Variants in ADGRL2 observed in about 807,000 individuals in gnomAD.
The protein encoded by ADGRL2 is calcium-independent alpha-latrotoxin receptor 2.
Under a neutral mutation model 157.4 loss-of-function variants are expected in ADGRL2, and 44 were observed. The ratio of observed to expected loss-of-function variants is 0.28; its 90% CI spans 0.22 to 0.36. The LOEUF is 0.36. ADGRL2 is among the 10% of genes least tolerant of loss of function. The pLI is 1.00. For missense variants in ADGRL2, 1,510 were observed against 1,768.9 expected, an observed-to-expected ratio of 0.85 and a Z score of 2.63; for synonymous variants, 585 against 624.7, an observed-to-expected ratio of 0.94 and a Z score of 0.95.
intron 2 of ADGRL2, among the ~76,000 whole-genome samples, chr1:81,903,846 C>CACACACACACACACAT (rs556699551): frequency 5.1e-4 from 74 of 145,712 alleles, no homozygotes; most frequent in Admixed American, 1.4e-3. Context: ...CACACACACA[C>CACACACACACACACAT]ATATTTGGTT....
At position 81,322,178 on chromosome 1, in the gene ADGRL2, A is replaced by G. The variant is rs143538826; in HGVS notation, c.-302+15669A>G. Among the ~76,000 whole-genome samples, 1,399 of 149,642 alleles carry G rather than the reference A, an allele frequency of 9.3e-3. 11 individuals are homozygous for G. Among genetic ancestry groups the G allele is most frequent in the Non-Finnish European group, 0.015 (1,037 of 67,590 alleles). On this transcript the variant is annotated intron_variant, in intron 1 of 24. Coordinates refer to the ADGRL2 transcript ENST00000370721. The stretch of plus-strand genomic sequence containing the variant: ...TACATACACACATATGTACATGTAT[A>G]TACATATACATATACATATATATAT...
chr1:81,505,256 G>T, intron 2 of ADGRL2: 1 of 533,976 alleles, frequency 1.9e-6, no homozygotes, highest in Non-Finnish European at 3.6e-6. Context: ...ACCTCCTCTG[G>T]CCTCAGCCTG....
chr1:81,868,912 T>C (rs189080134), intron 2 of ADGRL2, among the ~76,000 whole-genome samples: 35 of 152,218 alleles, frequency 2.3e-4, no homozygotes, highest in East Asian at 2.1e-3. Flanking sequence ...CAAAGATGCA[T>C]TGGAATGTGT....
intron 17 of ADGRL2, among the ~76,000 whole-genome samples, chr1:81,975,820 C>T (rs1660058266): frequency 6.6e-6 from 1 of 151,912 alleles, no homozygotes; most frequent in Non-Finnish European, 1.5e-5. Context: ...TTATTTGCCC[C>T]TCTGCCTCTT....
intron 1 of ADGRL2, among the ~76,000 whole-genome samples, chr1:81,761,086 A>G (rs1416980276): frequency 6.6e-6 from 1 of 151,922 alleles, no homozygotes; most frequent in Non-Finnish European, 1.5e-5. Flanking sequence ...AACAACAAAA[A>G]CAACAAAAAC....
intron 1 of ADGRL2, among the ~76,000 whole-genome samples, chr1:81,391,936 C>A (rs185354785): frequency 6.6e-6 from 1 of 152,228 alleles, no homozygotes; most frequent in Admixed American, 6.5e-5. Context: ...CTACTATGTG[C>A]TTTATGTGTA....
rs12037760 is a variant in ADGRL2 at position 81,474,772 on chromosome 1, T to A, written c.-248+29683T>A. 0.012 allele frequency among the ~76,000 whole-genome samples: 1,849 copies of A among 152,322 alleles called. 66 individuals are homozygous for A. The East Asian group carries it at 0.12, about 10-fold the overall frequency. ...ATTGAACATTTTTCAGTCAGTAAGA[T>A]CCTTATGAAATTTCTTCCATCATTC... On this transcript the variant is annotated intron_variant, in intron 2 of 24. Transcript: ENST00000370721.
chr1:81,546,097 C>T (rs530540605), intron 2 of ADGRL2, among the ~76,000 whole-genome samples: 7 of 152,110 alleles, frequency 4.6e-5, no homozygotes, highest in Admixed American at 2.6e-4. Flanking sequence ...ATTTATATCC[C>T]GTCCACCACT....
At chr1:81,746,166 G>A (rs764251489) in intron 1 of ADGRL2, among the ~76,000 whole-genome samples, 13 of 151,800 alleles carry the variant, frequency 8.6e-5, no homozygotes, top group Admixed American at 3.3e-4. Flanking sequence ...ATTAGACATC[G>A]TGCCTTTGAA....
At chr1:81,696,212 C>T (rs1450620162), upstream of ADGRL2, among the ~76,000 whole-genome samples, 1 of 151,898 alleles carries the variant, frequency 6.6e-6, no homozygotes, top group Admixed American at 6.6e-5. Flanking sequence ...TTTTCCCTCT[C>T]GGCTATGTAG....
chr1:81,482,602 G>A (rs148571240), intron 2 of ADGRL2, among the ~76,000 whole-genome samples: 12 of 152,112 alleles, frequency 7.9e-5, no homozygotes, highest in African/African-American at 2.2e-4. Context: ...TTTAACCTGC[G>A]TTTCCATCGC....
chr1:81,931,653 C>G (rs1343017545), intron 3 of ADGRL2, among the ~76,000 whole-genome samples: 2 of 151,656 alleles, frequency 1.3e-5, no homozygotes, highest in African/African-American at 4.8e-5. Flanking sequence ...TGAATTATAC[C>G]CTGGAAATGG....
chr1:81,463,284 C>T (rs931496418), intron 2 of ADGRL2, among the ~76,000 whole-genome samples: 7 of 151,858 alleles, frequency 4.6e-5, no homozygotes, highest in Non-Finnish European at 1.0e-4. Flanking sequence ...TGTGGTCTTT[C>T]TGAGACTCAA....
chr1:81,748,488 A>AG (rs1427083555), intron 1 of ADGRL2, among the ~76,000 whole-genome samples: 4 of 150,600 alleles, frequency 2.7e-5, no homozygotes, highest in Admixed American at 6.6e-5. Flanking sequence ...AAAAAAAAAA[A>AG]AAAGAAAGAA....
At chr1:81,838,389 T>A (rs1300702274) in intron 2 of ADGRL2, among the ~76,000 whole-genome samples, 3 of 152,086 alleles carry the variant, frequency 2.0e-5, no homozygotes, top group African/African-American at 7.2e-5. Flanking sequence ...AATCTTTGGG[T>A]TAATATTTTA....
chr1:81,331,771 G>C (rs1343626914), intron 1 of ADGRL2, among the ~76,000 whole-genome samples: 3 of 152,104 alleles, frequency 2.0e-5, no homozygotes, highest in African/African-American at 7.2e-5. Context: ...ATTTTTAACA[G>C]TTAAAACTGT....
rs192431148 is a variant in ADGRL2 at position 81,923,003 on chromosome 1, A to G, written c.288-13725A>G. Among the ~76,000 whole-genome samples, 25 of 152,270 alleles carry G rather than the reference A, an allele frequency of 1.6e-4. No individual in the cohort carries two copies. The East Asian group carries it at 3.1e-3, about 19-fold the overall frequency. ...TTGCTTTTGTGACTGAGATGCAGCA[A>G]AAGGACACTTCCCTTGATCTGTGCT... On this transcript the variant is annotated intron_variant, in intron 3 of 23. Transcript: ENST00000686636.
At chr1:81,773,246 G>A (rs2086448804) in intron 2 of ADGRL2, among the ~76,000 whole-genome samples, 1 of 152,216 alleles carries the variant, frequency 6.6e-6, no homozygotes, top group Non-Finnish European at 1.5e-5. Context: ...TAAATTGCCT[G>A]TGCTGAAACT....
At chr1:81,443,221 G>C (rs1335318996) in intron 1 of ADGRL2, among the ~76,000 whole-genome samples, 1 of 152,094 alleles carries the variant, frequency 6.6e-6, no homozygotes, top group African/African-American at 2.4e-5. Context: ...AAGAGTTCGA[G>C]ATCAGCCTGG....
Sources: allele counts gnomAD v4.1 joint callset (sites outside exome capture counted in the v4.1 genomes callset), GRCh38; gene constraint gnomAD v4.1.1; transcripts MANE v1.5; gene names NCBI Gene and HGNC (gene_info 2026-07-23, HGNC 2026-07-21).